The following PDGFC variants were observed in gnomAD, a reference collection of about 807,000 sequenced individuals.
PDGFC encodes the protein platelet derived growth factor C, also known as platelet-derived growth factor C.
Under a neutral mutation model 35.5 loss-of-function variants are expected in PDGFC, and 12 were observed. The ratio of observed to expected loss-of-function variants is 0.34; its 90% CI spans 0.22 to 0.55. The LOEUF (loss-of-function observed/expected upper bound fraction) is 0.55. PDGFC is among the 20% of genes least tolerant of loss of function. The pLI is 0.91. For synonymous variants in PDGFC, 159 were observed against 148.8 expected (o/e 1.07, Z -0.50); for missense variants, 322 against 412.4 (o/e 0.78, Z 1.90).
intron 3 of PDGFC, among the ~76,000 whole-genome samples, chr4:156,799,823 G>A (rs1017751209): frequency 6.6e-6 from 1 of 152,034 alleles, no homozygotes; most frequent in African/African-American, 2.4e-5. Flanking sequence ...GTTTGGATTT[G>A]AATTTTATAG....
intron 2 of PDGFC, among the ~76,000 whole-genome samples, chr4:156,843,036 G>T (rs1280598567): frequency 6.6e-6 from 1 of 152,106 alleles, no homozygotes; most frequent in Non-Finnish European, 1.5e-5. Context: ...TAAAGCTTTG[G>T]TGATTTGTTT....
At chr4:156,867,277 T>C (rs1157401981) in intron 1 of PDGFC, among the ~76,000 whole-genome samples, 2 of 152,184 alleles carry the variant, frequency 1.3e-5, no homozygotes, top group African/African-American at 4.8e-5. Context: ...TGACAGGGCA[T>C]ACAACCTGCA....
intron 1 of PDGFC, among the ~76,000 whole-genome samples, chr4:156,925,379 A>T (rs1731383105): frequency 6.6e-6 from 1 of 152,036 alleles, no homozygotes; most frequent in Admixed American, 6.6e-5. Flanking sequence ...GTGGTGTAGT[A>T]GTGGTGGTGG....
At position 156,941,233 on chromosome 4, in the gene PDGFC, A is replaced by G. The variant is rs1397829597; in HGVS notation, c.118+29553T>C. Among the ~76,000 whole-genome samples, 4 of 152,300 alleles carry G rather than the reference A, an allele frequency of 2.6e-5. No homozygotes were observed. The East Asian group carries it at 7.7e-4, about 29-fold the overall frequency. ...AGATAGAGATCTGTGAGGTAAGTGA[A>G]ACATAATGAAGGGGTTCTTCAATAA... On this transcript the variant is annotated intron_variant, in intron 1 of 5. Transcript: ENST00000502773.
chr4:156,886,834 G>A (rs1730387894), intron 1 of PDGFC: 1 of 152,130 alleles, frequency 6.6e-6, no homozygotes, highest in Non-Finnish European at 1.5e-5. Context: ...GAGGATGACA[G>A]GAAAAAATAA....
intron 3 of PDGFC, 134 bp downstream of exon 3, chr4:156,810,703 A>G: frequency 1.6e-6 from 1 of 624,578 alleles, no homozygotes; most frequent in Non-Finnish European, 2.8e-6. Flanking sequence ...AAGAGTTTTT[A>G]TTTACATAAA....
intron 1 of PDGFC, among the ~76,000 whole-genome samples, chr4:156,905,740 C>A (rs1369247080): frequency 6.6e-6 from 1 of 152,200 alleles, no homozygotes; most frequent in Non-Finnish European, 1.5e-5. Context: ...CAAAGTAAGT[C>A]TATCTAGAGT....
At chr4:156,889,893 A>G (rs1730462574) in intron 1 of PDGFC, among the ~76,000 whole-genome samples, 1 of 152,216 alleles carries the variant, frequency 6.6e-6, no homozygotes. Context: ...CTGCATGCAT[A>G]GTGAATAAAA....
intron 2 of PDGFC, among the ~76,000 whole-genome samples, chr4:156,829,125 T>A (rs1013525392): frequency 6.6e-6 from 1 of 152,176 alleles, no homozygotes; most frequent in African/African-American, 2.4e-5. Context: ...TCCTATCACA[T>A]GTTAAAAGTA....
At chr4:156,865,364 T>C (rs1440090670) in intron 1 of PDGFC, among the ~76,000 whole-genome samples, 1 of 152,316 alleles carries the variant, frequency 6.6e-6, no homozygotes, top group African/African-American at 2.4e-5. Context: ...GAATTCTTTA[T>C]ATTACATAAT....
intron 1 of PDGFC, among the ~76,000 whole-genome samples, chr4:156,883,713 T>C (rs1036401618): frequency 6.7e-6 from 1 of 149,276 alleles, no homozygotes; most frequent in Admixed American, 6.6e-5. Flanking sequence ...CTGAGATTTC[T>C]TTCTCTTTCT....
chr4:156,845,260 A>T (rs1389685005), intron 2 of PDGFC, among the ~76,000 whole-genome samples: 1 of 151,890 alleles, frequency 6.6e-6, no homozygotes, highest in Non-Finnish European at 1.5e-5. Context: ...TAAAGAAATT[A>T]TTAAGTTTAT....
intron 1 of PDGFC, among the ~76,000 whole-genome samples, chr4:156,871,283 A>G (rs570246292): frequency 6.6e-6 from 1 of 152,196 alleles, no homozygotes; most frequent in Non-Finnish European, 1.5e-5. Flanking sequence ...ATTTATAGAT[A>G]AACAGGCCTA....
chr4:156,811,116 G>T (rs1731922381), intron 2 of PDGFC, 99 bp from the exon 3 acceptor site: 2 of 636,456 alleles, frequency 3.1e-6, no homozygotes, highest in South Asian at 3.8e-5. Context: ...ACGGACCACA[G>T]CAGTGAGTTA....
intron 1 of PDGFC, among the ~76,000 whole-genome samples, chr4:156,938,453 C>T (rs940700277): frequency 3.9e-5 from 6 of 152,194 alleles, no homozygotes; most frequent in African/African-American, 1.4e-4. Flanking sequence ...AAACTTTATA[C>T]ATTTTCTTGC....
At chr4:156,959,739 T>C (rs1732295350) in intron 1 of PDGFC, among the ~76,000 whole-genome samples, 1 of 151,980 alleles carries the variant, frequency 6.6e-6, no homozygotes, top group Non-Finnish European at 1.5e-5. Flanking sequence ...CACCTCTGAG[T>C]TTTTGCTACG....
At chr4:156,964,549 C>T (rs888336046) in intron 1 of PDGFC, among the ~76,000 whole-genome samples, 12 of 151,344 alleles carry the variant, frequency 7.9e-5, no homozygotes, top group East Asian at 5.8e-4. Context: ...TTACTGTTCC[C>T]GTAAATATTT....
At position 156,864,264 on chromosome 4, in the gene PDGFC, C is replaced by T. The variant is rs139906589; in HGVS notation, c.119-13848G>A. Among the ~76,000 whole-genome samples, 197 of 152,154 alleles carry T rather than the reference C, an allele frequency of 1.3e-3. 1 individual carries two copies. Among genetic ancestry groups the T allele is most frequent in the African/African-American group, 4.1e-3 (171 of 41,504 alleles). ...ACTGTGTTAAGAACTGACTGAGATCCCCCATATTCTACAAAAAGACACCAG... is the reference window on the plus strand; with the variant it reads ...ACTGTGTTAAGAACTGACTGAGATCTCCCATATTCTACAAAAAGACACCAG... On this transcript the variant is annotated intron_variant, in intron 1 of 5. Coordinates refer to ENST00000502773, the MANE Select transcript of PDGFC (RefSeq NM_016205.3).
intron 1 of PDGFC, among the ~76,000 whole-genome samples, chr4:156,924,996 CT>C (rs72292069): frequency 0.38 from 57,132 of 151,890 alleles, 11,092 homozygotes; most frequent in South Asian, 0.51. Flanking sequence ...AGGGCTGGGC[CT>C]TGCAGGAGGC....
Sources: gnomAD v4.1 joint callset for allele counts (sites outside exome capture counted in the v4.1 genomes callset) on GRCh38, gnomAD v4.1.1 for gene constraint, MANE v1.5 for transcripts, NCBI Gene and HGNC (gene_info 2026-07-23, HGNC 2026-07-21) for gene names.